The following SOBP variants were observed in gnomAD, a reference collection of about 807,000 sequenced individuals.
SOBP encodes the protein sine oculis binding protein homolog.
A neutral mutation model predicts 53.6 loss-of-function variants in SOBP; 4 were observed. That is an observed-to-expected ratio of 0.07 (90% CI 0.04 to 0.17). The LOEUF (loss-of-function observed/expected upper bound fraction) is 0.17. Among genes scored for constraint, SOBP ranks in the 10% least tolerant of loss-of-function variants. The probability of loss-of-function intolerance (pLI) is 1.00; values close to 1 mark genes in which losing one functional copy is unlikely to be tolerated. For synonymous variants in SOBP, 584 were observed against 522.6 expected (o/e 1.12, Z -1.60); for missense variants, 1,088 against 1,204.7 (o/e 0.90, Z 1.43).
chr6:107,490,816 T>G, intron 1 of SOBP, 104 bp downstream of exon 1: 1 of 856,152 alleles, frequency 1.2e-6, no homozygotes, highest in South Asian at 1.4e-5. Flanking sequence ...GCTTGTCAGT[T>G]TCTGTAGGAT....
At chr6:107,550,467 G>A (rs1784431359) in intron 4 of SOBP, among the ~76,000 whole-genome samples, 3 of 152,236 alleles carry the variant, frequency 2.0e-5, no homozygotes, top group Non-Finnish European at 4.4e-5. Context: ...TCCGCAGTAT[G>A]AAGGGCATTG....
chr6:107,566,497 G>A (rs148985892), intron 4 of SOBP, among the ~76,000 whole-genome samples: 1 of 152,352 alleles, frequency 6.6e-6, no homozygotes, highest in Non-Finnish European at 1.5e-5. Flanking sequence ...TTCAGGAAAG[G>A]GGGCTGGAAT....
intron 5 of SOBP, among the ~76,000 whole-genome samples, chr6:107,611,667 G>A (rs1484915490): frequency 2.6e-5 from 4 of 152,194 alleles, no homozygotes; most frequent in Non-Finnish European, 5.9e-5. Flanking sequence ...ACTGATGTCA[G>A]GGTACGCAAT....
intron 1 of SOBP, among the ~76,000 whole-genome samples, chr6:107,496,423 A>G (rs1192338936): frequency 6.6e-6 from 1 of 152,230 alleles, no homozygotes; most frequent in Non-Finnish European, 1.5e-5. Flanking sequence ...GTAAAACACC[A>G]TACATTTTAT....
intron 4 of SOBP, among the ~76,000 whole-genome samples, chr6:107,543,240 C>G (rs1477089465): frequency 6.6e-6 from 1 of 152,168 alleles, no homozygotes; most frequent in Non-Finnish European, 1.5e-5. Context: ...CCGTTTCTTT[C>G]CATCTCTGTA....
chr6:107,562,477 A>T (rs1012113271), intron 4 of SOBP, among the ~76,000 whole-genome samples: 1 of 152,246 alleles, frequency 6.6e-6, no homozygotes, highest in Non-Finnish European at 1.5e-5. Flanking sequence ...ATTTCATGTT[A>T]TGTTGACCAA....
At chr6:107,541,962 AAAAAT>A (rs1201874042) in intron 4 of SOBP, among the ~76,000 whole-genome samples, 2 of 152,122 alleles carry the variant, frequency 1.3e-5, no homozygotes, top group Non-Finnish European at 2.9e-5. Context: ...TCATTCTTTA[AAAAAT>A]AAAATAAAAA....
chr6:107,506,372 C>T lies in SOBP; in HGVS notation c.366C>T (p.Gly122=), dbSNP rs1164737814. Residue 122 remains glycine, a synonymous_variant, in exon 3 of 7, where the codon GGC becomes GGT. Coordinates refer to ENST00000317357, the MANE Select transcript of SOBP (RefSeq NM_018013.4). ...CACCTGCAGGGTCAAAGGATCATGG[C>T]AGTGTGCCCATTATTGTACCTTTAA... The part of the protein sequence containing the change: ...SDSPAGSKDH[G]SVPIIVPLIP... The T allele has an allele frequency of 1.2e-6, 2 of 1,614,218 alleles. No individual in the cohort carries two copies. Among genetic ancestry groups the T allele is most frequent in the East Asian group, 2.2e-5 (1 of 44,884 alleles).
intron 3 of SOBP, among the ~76,000 whole-genome samples, chr6:107,507,974 C>G (rs752298798): frequency 8.5e-5 from 13 of 152,272 alleles, no homozygotes; most frequent in Non-Finnish European, 1.8e-4. Flanking sequence ...AATATTGTAT[C>G]TGGCTCCCTG....
chr6:107,586,934 G>T, intron 4 of SOBP, 146 bp from the exon 5 acceptor site: 1 of 720,348 alleles, frequency 1.4e-6, no homozygotes, highest in Non-Finnish European at 2.5e-6. Context: ...ATACCTAAAA[G>T]GCGTACTGCG....
chr6:107,577,889 C>T (rs992571601), intron 4 of SOBP, among the ~76,000 whole-genome samples: 17 of 151,962 alleles, frequency 1.1e-4, no homozygotes, highest in Non-Finnish European at 7.4e-5. Context: ...CTGGCTAACA[C>T]GGTGAAACTC....
In SOBP at chr6:107,634,002, G is replaced by A; in HGVS notation, c.1158G>A (p.Val386=). Residue 386 remains valine, a synonymous_variant, in exon 6 of 7, where the codon GTG becomes GTA. Coordinates refer to ENST00000317357, the MANE Select transcript of SOBP (RefSeq NM_018013.4). The surrounding 1 kb of genome is among the most constrained non-coding windows in gnomAD (Gnocchi z 4.5). ...LGVPPRSPPM[V]MTNRGPVPLP... ...TCCCGCCTCGGAGCCCTCCCATGGT[G>A]ATGACCAACCGCGGCCCGGTGCCGC... is the stretch of plus-strand genomic sequence containing the variant. 1 of 1,613,598 alleles carries A rather than the reference G, an allele frequency of 6.2e-7. No homozygotes were observed. Among genetic ancestry groups the A allele is most frequent in the Non-Finnish European group, 8.5e-7 (1 of 1,179,728 alleles).
At chr6:107,515,490 T>C (rs74755117) in intron 3 of SOBP, among the ~76,000 whole-genome samples, 15,566 of 152,306 alleles carry the variant, frequency 0.1, 1,033 homozygotes, top group East Asian at 0.24. Context: ...GGCTCACACC[T>C]GTAATCCTAG....
intron 4 of SOBP, among the ~76,000 whole-genome samples, chr6:107,555,983 T>C (rs1784598094): frequency 6.6e-6 from 1 of 152,220 alleles, no homozygotes; most frequent in Admixed American, 6.5e-5. Context: ...GGATTTGATA[T>C]GTTAGGGGTA....
chr6:107,612,353 A>G (rs957979551), intron 5 of SOBP, among the ~76,000 whole-genome samples: 8 of 152,368 alleles, frequency 5.3e-5, no homozygotes, highest in African/African-American at 1.9e-4. Flanking sequence ...ACCTTGCTAT[A>G]CATTCACAGA....
chr6:107,628,417 CCCA>C (rs1371628711), intron 5 of SOBP, among the ~76,000 whole-genome samples: 1 of 152,074 alleles, frequency 6.6e-6, no homozygotes, highest in Non-Finnish European at 1.5e-5. Context: ...CATGAGTTTG[CCCA>C]GAGAGAAACG....
intron 5 of SOBP, among the ~76,000 whole-genome samples, chr6:107,608,377 C>T (rs1057514825): frequency 2.6e-5 from 4 of 151,878 alleles, no homozygotes; most frequent in Admixed American, 1.3e-4. Context: ...TGCAAGGTCC[C>T]GGTCCTTTCT....
At chr6:107,602,582 A>AG (rs1554186457) in intron 5 of SOBP, among the ~76,000 whole-genome samples, 1 of 151,786 alleles carries the variant, frequency 6.6e-6, no homozygotes, top group African/African-American at 2.4e-5. Context: ...AAAAAAAAAA[A>AG]AAAAAGGAAA....
In SOBP at chr6:107,520,930, T is replaced by C. The variant is rs367849643; in HGVS notation, c.422-12529T>C. Among the ~76,000 whole-genome samples, 192 of 152,144 alleles carry C rather than the reference T, an allele frequency of 1.3e-3. 1 individual carries two copies. Among genetic ancestry groups the C allele is most frequent in the African/African-American group, 4.5e-3 (188 of 41,508 alleles). ...GTCCCATACACAGACCTGTCATCAC[T>C]GTGGAGCCTGGTTTCTAAAGCACAG... On this transcript the variant is annotated intron_variant, in intron 3 of 6. Transcript: ENST00000317357.
Sources: gnomAD v4.1 joint callset for allele counts (sites outside exome capture counted in the v4.1 genomes callset) on GRCh38, gnomAD v4.1.1 for gene constraint, Gnocchi (gnomAD v3.1) non-coding constraint, MANE v1.5 for transcripts, NCBI Gene and HGNC (gene_info 2026-07-23, HGNC 2026-07-21) for gene names.